The following STAB2 variants were observed in gnomAD, a reference collection of about 807,000 sequenced individuals.
The protein encoded by STAB2 is stabilin-2.
STAB2 carries 288 observed loss-of-function variants against 338.1 expected under a neutral mutation model. The ratio of observed to expected loss-of-function variants is 0.85; its 90% CI spans 0.77 to 0.94. The LOEUF (loss-of-function observed/expected upper bound fraction) is 0.94. Ranked by LOEUF, STAB2 falls within the 40% of genes least tolerant of loss-of-function variation. The pLI, the probability that STAB2 is intolerant of heterozygous loss-of-function variation, is 0.00. For synonymous variants in STAB2, 1,202 were observed against 1,193.3 expected, an observed-to-expected ratio of 1.01 and a Z score of -0.15; for missense variants, 3,141 against 3,210.1, an observed-to-expected ratio of 0.98 and a Z score of 0.52.
At chr12:103,689,792 C>A in intron 28 of STAB2, 54 bp from the exon 29 acceptor site, 1 of 1,586,454 alleles carries the variant, frequency 6.3e-7, no homozygotes, top group South Asian at 1.2e-5. Flanking sequence ...TTTAAGGCAG[C>A]TCTGTTTGTC....
chr12:103,766,174 G>T, intron 68 of STAB2, 112 bp from the exon 69 acceptor site: 2 of 1,378,700 alleles, frequency 1.5e-6, no homozygotes, highest in Middle Eastern at 1.8e-4. Flanking sequence ...CAGCACATAC[G>T]TGTTCACAGT....
intron 39 of STAB2, among the ~76,000 whole-genome samples, 158 bp downstream of exon 39, chr12:103,708,694 CAGAA>C (rs576459364): frequency 3.7e-4 from 56 of 151,956 alleles, no homozygotes; most frequent in Admixed American, 1.0e-3. Context: ...TAAAGAAAAG[CAGAA>C]AGAAGAAAAT....
intron 3 of STAB2, among the ~76,000 whole-genome samples, chr12:103,597,474 A>C (rs1956894197): frequency 6.6e-6 from 1 of 152,216 alleles, no homozygotes; most frequent in South Asian, 2.1e-4. Flanking sequence ...CCCTATGGTC[A>C]ACGCTGAAAA....
At position 103,673,894 on chromosome 12, in the gene STAB2, C is replaced by G. The variant is rs765478939; in HGVS notation, c.2372-13C>G. ...CAAGGCCTGGACGGATGTCCCTCCT[C>G]CTCCTCTTTCAGAATGCCTGTGCGT... On this transcript the variant is annotated splice_polypyrimidine_tract_variant and intron_variant, in intron 22 of 68. Transcript: ENST00000388887. The G allele has an allele frequency of 6.2e-7, 1 of 1,605,846 alleles. No homozygotes were observed. Among genetic ancestry groups the G allele is most frequent in the Non-Finnish European group, 8.5e-7 (1 of 1,173,782 alleles).
Position 103,755,345 on chromosome 12 carries a change from G to A in STAB2, c.6758G>A (p.Arg2253Gln), listed in dbSNP as rs765841542. The A allele has an allele frequency of 9.4e-5, 152 of 1,613,978 alleles. No individual in the cohort carries two copies. Among genetic ancestry groups the A allele is most frequent in the Middle Eastern group, 1.6e-4 (1 of 6,084 alleles). The change falls in exon 62 of 69, where the codon CGG (arginine) becomes CAG (glutamine). Residue 2253 changes from arginine (R) to glutamine (Q), a missense_variant. Coordinates refer to ENST00000388887, the MANE Select transcript of STAB2 (RefSeq NM_017564.10). Reference protein sequence around the residue: ...LCSAGWLETGRVAYPTAFASQ... With the variant: ...LCSAGWLETGQVAYPTAFASQ... Reference sequence around the variant, plus strand: ...TCAGCAGGCTGGCTGGAGACCGGGCGGGTTGCCTACCCCACAGCCTTCGCC... The same window carrying A: ...TCAGCAGGCTGGCTGGAGACCGGGCAGGTTGCCTACCCCACAGCCTTCGCC...
At chr12:103,657,780 C>T (rs1874304603) in intron 15 of STAB2, 1 of 152,200 alleles carries the variant, frequency 6.6e-6, no homozygotes, top group Non-Finnish European at 1.5e-5. Flanking sequence ...CTGCTTCTTT[C>T]TCAGGTACAG....
At chr12:103,687,391 T>C (rs1877524594) in intron 27 of STAB2, among the ~76,000 whole-genome samples, 3 of 152,042 alleles carry the variant, frequency 2.0e-5, no homozygotes, top group Admixed American at 2.0e-4. Flanking sequence ...ATATTGGTTA[T>C]CTTTTCAAGG....
At chr12:103,604,034 A>C (rs1053156974) in intron 3 of STAB2, among the ~76,000 whole-genome samples, 21 of 152,176 alleles carry the variant, frequency 1.4e-4, no homozygotes, top group African/African-American at 5.1e-4. Flanking sequence ...GTTTATGGAA[A>C]TAGAATTGAT....
At chr12:103,688,289 C>T in intron 28 of STAB2, 74 bp downstream of exon 28, 2 of 1,455,400 alleles carry the variant, frequency 1.4e-6, no homozygotes, top group Non-Finnish European at 9.6e-7. Context: ...CAATAGAAAA[C>T]CGAAAATGCA....
chr12:103,592,788 T>C (rs1956819829), intron 2 of STAB2, among the ~76,000 whole-genome samples: 1 of 152,226 alleles, frequency 6.6e-6, no homozygotes, highest in Non-Finnish European at 1.5e-5. Flanking sequence ...ATCTCTAGAA[T>C]GTTTTCATCT....
At chr12:103,733,379 G>A (rs939912620) in intron 51 of STAB2, among the ~76,000 whole-genome samples, 197 bp downstream of exon 51, 1 of 152,010 alleles carries the variant, frequency 6.6e-6, no homozygotes, top group African/African-American at 2.4e-5. Context: ...TACCACATTT[G>A]GTTCTGTTCC....
At chr12:103,627,306 C>G (rs1369850681) in intron 5 of STAB2, among the ~76,000 whole-genome samples, 1 of 152,154 alleles carries the variant, frequency 6.6e-6, no homozygotes, top group African/African-American at 2.4e-5. Context: ...TCCCAAGGAG[C>G]TGGAAATGTG....
Position 103,678,595 on chromosome 12 carries a change from C to T in STAB2, c.2805+984C>T, listed in dbSNP as rs372750495. Among the ~76,000 whole-genome samples the T allele has an allele frequency of 3.0e-4, 46 of 152,270 alleles. No individual in the cohort carries two copies. In the South Asian group the frequency reaches 5.8e-3, roughly 19 times the overall value. ...AGGCTGGAGTGCAGTGGCACGATCT[C>T]GGCTCACTGCAAGCTCTGCCTTCTG... On this transcript the variant is annotated intron_variant, in intron 25 of 68. Transcript: ENST00000388887.
chr12:103,689,978 A>G lies in STAB2; in HGVS notation c.3178A>G (p.Ile1060Val), dbSNP rs1368705173. The change falls in exon 29 of 69, where the codon ATA (isoleucine) becomes GTA (valine). Residue 1060 changes from isoleucine to valine, a missense_variant. By Grantham distance (29) the Ile-to-Val change is conservative. Coordinates refer to ENST00000388887, the MANE Select transcript of STAB2 (RefSeq NM_017564.10). ...GTCACAGAGCAATATTCCAGCCCTA[A>G]TAAAGTAGGTGTTACTTATTTTATT... is the stretch of plus-strand genomic sequence containing the variant. The part of the protein sequence containing the change: ...WLSQSNIPAL[I>V]KYHMLLGTYR... 5 of 1,612,680 alleles carry G rather than the reference A, an allele frequency of 3.1e-6. No individual in the cohort carries two copies. In the Admixed American group the frequency reaches 8.4e-5, roughly 27 times the overall value.
At chr12:103,626,676 A>G (rs1957385444) in intron 5 of STAB2, among the ~76,000 whole-genome samples, 1 of 152,206 alleles carries the variant, frequency 6.6e-6, no homozygotes, top group African/African-American at 2.4e-5. Flanking sequence ...CTTTTCATCC[A>G]GGCATCTACT....
intron 3 of STAB2, among the ~76,000 whole-genome samples, chr12:103,601,001 A>C (rs1473916663): frequency 6.6e-6 from 1 of 152,258 alleles, no homozygotes; most frequent in Non-Finnish European, 1.5e-5. Context: ...AATTAAATGA[A>C]TGTAAAATCT....
chr12:103,707,977 A>T (rs1045429486), intron 38 of STAB2, among the ~76,000 whole-genome samples: 1 of 152,184 alleles, frequency 6.6e-6, no homozygotes, highest in African/African-American at 2.4e-5. Context: ...TGGGGAAGGC[A>T]TCTGTAGCTT....
chr12:103,595,928 G>A (rs1593120650), intron 3 of STAB2, among the ~76,000 whole-genome samples: 1 of 152,262 alleles, frequency 6.6e-6, no homozygotes, highest in Non-Finnish European at 1.5e-5. Context: ...CCCAGGAAAT[G>A]CCTGGATTAG....
chr12:103,764,759 A>T (rs1170279992), intron 68 of STAB2, among the ~76,000 whole-genome samples: 2 of 151,304 alleles, frequency 1.3e-5, no homozygotes, highest in Non-Finnish European at 2.9e-5. Context: ...TGCAAATCAT[A>T]TTTTTTTAAT....
Sources: gnomAD v4.1 joint callset for allele counts (sites outside exome capture counted in the v4.1 genomes callset) on GRCh38, gnomAD v4.1.1 for gene constraint, MANE v1.5 for transcripts, NCBI Gene and HGNC (gene_info 2026-07-23, HGNC 2026-07-21) for gene names.